TEX9: variants seen among roughly 807,000 people sequenced by gnomAD.
The protein encoded by TEX9 is testis-expressed protein 9.
TEX9 carries 74 observed loss-of-function variants against 59.6 expected under a neutral mutation model. The observed-to-expected ratio is 1.24, with a 90% CI of 1.03 to 1.51. The LOEUF (loss-of-function observed/expected upper bound fraction) is 1.51, where lower values mean the gene tolerates loss of function less well. TEX9 is among the 40% of genes most tolerant of loss of function. The probability of loss-of-function intolerance (pLI) is 0.00; values close to 1 mark genes in which losing one functional copy is unlikely to be tolerated. For missense variants in TEX9, 522 were observed against 447.8 expected (o/e 1.17, Z -1.49); for synonymous variants, 186 against 152.2 (o/e 1.22, Z -1.64).
chr15:56,301,748 T>C (rs1341290681), intron 1 of TEX9, among the ~76,000 whole-genome samples: 1 of 152,056 alleles, frequency 6.6e-6, no homozygotes, highest in Non-Finnish European at 1.5e-5. Flanking sequence ...AGACAAAAAC[T>C]GAGGAACTTC....
chr15:56,386,107 T>G (rs1188626603), intron 4 of TEX9, among the ~76,000 whole-genome samples: 1 of 152,120 alleles, frequency 6.6e-6, no homozygotes, highest in Non-Finnish European at 1.5e-5. Context: ...AATGGAATAC[T>G]ACTTGGCAAT....
chr15:56,378,013 T>C (rs2047539910), intron 3 of TEX9, among the ~76,000 whole-genome samples: 1 of 152,200 alleles, frequency 6.6e-6, no homozygotes, highest in Admixed American at 6.5e-5. Flanking sequence ...TGATATGATA[T>C]ATCACATTGA....
At chr15:56,266,943 C>T (rs937735021) in intron 1 of TEX9, among the ~76,000 whole-genome samples, 1 of 152,176 alleles carries the variant, frequency 6.6e-6, no homozygotes, top group Non-Finnish European at 1.5e-5. Flanking sequence ...GTCCCACCAA[C>T]AGTGTAAAAG....
chr15:56,348,566 G>A (rs142164869), intron 1 of TEX9, among the ~76,000 whole-genome samples: 121 of 152,192 alleles, frequency 8.0e-4, no homozygotes, highest in Admixed American at 1.4e-3. Flanking sequence ...ATGTTCCATT[G>A]TCTGCTCACT....
intron 1 of TEX9, among the ~76,000 whole-genome samples, chr15:56,343,085 A>G (rs1222449303): frequency 6.6e-6 from 1 of 152,200 alleles, no homozygotes; most frequent in East Asian, 1.9e-4. Flanking sequence ...TAGGGCCATG[A>G]AAAAGAAAAC....
chr15:56,424,715 A>G (rs183508555), intron 10 of TEX9, among the ~76,000 whole-genome samples: 2 of 152,290 alleles, frequency 1.3e-5, no homozygotes, highest in Admixed American at 1.3e-4. Context: ...ACAAAGATTT[A>G]TAGTATTTTT....
At chr15:56,316,057 T>G (rs2045750543) in intron 1 of TEX9, among the ~76,000 whole-genome samples, 1 of 149,648 alleles carries the variant, frequency 6.7e-6, no homozygotes, top group Non-Finnish European at 1.5e-5. Context: ...TTCTTCTAAA[T>G]TTTTTTCAAA....
chr15:56,379,667 G>A (rs925459869), intron 3 of TEX9, among the ~76,000 whole-genome samples: 25 of 152,118 alleles, frequency 1.6e-4, no homozygotes, highest in Non-Finnish European at 3.1e-4. Flanking sequence ...ACTGTATTGT[G>A]GTCTAGCTCT....
intron 4 of TEX9, among the ~76,000 whole-genome samples, chr15:56,385,932 A>G (rs1036389434): frequency 4.6e-5 from 7 of 152,074 alleles, no homozygotes; most frequent in Non-Finnish European, 7.4e-5. Flanking sequence ...GCGATCCAGT[A>G]TTTCCCTTCC....
chr15:56,389,369 T>G, exon 6 of TEX9: 1 of 1,610,940 alleles, frequency 6.2e-7, no homozygotes, highest in South Asian at 1.1e-5. Context: ...CAAATTACAC[T>G]CTGCAAATAA....
At chr15:56,330,791 G>C (rs1421558942) in intron 1 of TEX9, among the ~76,000 whole-genome samples, 1 of 151,834 alleles carries the variant, frequency 6.6e-6, no homozygotes, top group Non-Finnish European at 1.5e-5. Context: ...AATGGTTGGA[G>C]TAAGTTCTTA....
chr15:56,432,492 G>A (rs1178329527), intron 12 of TEX9, among the ~76,000 whole-genome samples: 1 of 152,118 alleles, frequency 6.6e-6, no homozygotes, highest in African/African-American at 2.4e-5. Flanking sequence ...GTTTCATCAC[G>A]AAGATCTGTC....
chr15:56,339,565 G>A lies in TEX9; in HGVS notation c.-106-33876G>A, dbSNP rs528021177. ...AAGCCCATATCATTTATCAGGGGCTGTGTTAGTCTGCTGTAATAAAAATAC... is the reference window on the plus strand; with the variant it reads ...AAGCCCATATCATTTATCAGGGGCTATGTTAGTCTGCTGTAATAAAAATAC... On this transcript the variant is annotated intron_variant, in intron 1 of 5. Transcript: ENST00000560827. Among the ~76,000 whole-genome samples, 68 of 152,164 alleles carry A rather than the reference G, an allele frequency of 4.5e-4. No homozygotes were observed. In the Middle Eastern group the frequency reaches 0.01, roughly 23 times the overall value.
At chr15:56,343,924 A>C (rs956035874) in intron 1 of TEX9, among the ~76,000 whole-genome samples, 2 of 152,182 alleles carry the variant, frequency 1.3e-5, no homozygotes, top group African/African-American at 4.8e-5. Context: ...AAAACTTTTA[A>C]CATCTTTAGC....
At chr15:56,457,135 A>G in the TEX9 span, among the ~76,000 whole-genome samples, 1 of 152,140 alleles carries the variant, frequency 6.6e-6, no homozygotes, top group African/African-American at 2.4e-5. Context: ...TCACCTCTAC[A>G]CACATTTTTC....
chr15:56,427,820 T>G, intron 11 of TEX9, 81 bp downstream of exon 11: 2 of 1,119,644 alleles, frequency 1.8e-6, no homozygotes, highest in Non-Finnish European at 2.4e-6. Context: ...ACTTTAGGTA[T>G]GTTTTTGACA....
intron 12 of TEX9, chr15:56,445,624 G>C (rs2050893817): frequency 6.6e-6 from 1 of 151,944 alleles, no homozygotes. Flanking sequence ...TAACATTTAT[G>C]TGTAGATTAC....
downstream of TEX9, among the ~76,000 whole-genome samples, chr15:56,449,825 A>G (rs1216063987): frequency 2.0e-5 from 3 of 152,178 alleles, no homozygotes; most frequent in African/African-American, 7.2e-5. Context: ...ACATTTTCAA[A>G]TTTATTTTCA....
At chr15:56,308,845 A>G (rs1289217843) in intron 1 of TEX9, among the ~76,000 whole-genome samples, 1 of 152,138 alleles carries the variant, frequency 6.6e-6, no homozygotes, top group African/African-American at 2.4e-5. Context: ...ATTGCTGAAA[A>G]TCAATTGACC....
Sources: allele counts gnomAD v4.1 joint callset (sites outside exome capture counted in the v4.1 genomes callset), GRCh38; gene constraint gnomAD v4.1.1; transcripts MANE v1.5; gene names NCBI Gene and HGNC (gene_info 2026-07-23, HGNC 2026-07-21).